SKAP1: variants seen among roughly 807,000 people sequenced by gnomAD.
SKAP1 encodes the protein src kinase-associated phosphoprotein 1.
Under a neutral mutation model 58.5 loss-of-function variants are expected in SKAP1, and 44 were observed. The observed-to-expected ratio is 0.75, with a 90% CI of 0.59 to 0.97. The LOEUF (loss-of-function observed/expected upper bound fraction) is 0.97. Among genes scored for constraint, SKAP1 ranks in the 50% least tolerant of loss-of-function variants. The pLI, the probability that SKAP1 is intolerant of heterozygous loss-of-function variation, is 0.00. For missense variants in SKAP1, 390 were observed against 435.2 expected (o/e 0.90, Z 0.92); for synonymous variants, 127 against 149.7 (o/e 0.85, Z 1.11).
chr17:48,367,020 T>C (rs980266907), intron 2 of SKAP1, among the ~76,000 whole-genome samples: 2 of 152,176 alleles, frequency 1.3e-5, no homozygotes, highest in African/African-American at 2.4e-5. Flanking sequence ...TTATTGATGA[T>C]CTCAGCCACT....
At chr17:48,393,688 T>C (rs1157178142) in intron 2 of SKAP1, among the ~76,000 whole-genome samples, 1 of 152,106 alleles carries the variant, frequency 6.6e-6, no homozygotes, top group Non-Finnish European at 1.5e-5. Context: ...CACCCTTTTG[T>C]TTCTAGAGCA....
chr17:48,383,926 A>G (rs2067247522), intron 2 of SKAP1, among the ~76,000 whole-genome samples: 1 of 151,536 alleles, frequency 6.6e-6, no homozygotes, highest in Non-Finnish European at 1.5e-5. Context: ...GGGTTTCACT[A>G]TGTTGGCCAG....
intron 4 of SKAP1, among the ~76,000 whole-genome samples, chr17:48,205,047 C>CTG: frequency 1.5e-5 from 1 of 67,974 alleles, no homozygotes; most frequent in South Asian, 5.5e-4. Context: ...TTCTCTCTCT[C>CTG]TCTTTCTTTC....
At chr17:48,395,053 AC>A (rs1163490749) in intron 2 of SKAP1, among the ~76,000 whole-genome samples, 1 of 152,190 alleles carries the variant, frequency 6.6e-6, no homozygotes, top group Non-Finnish European at 1.5e-5. Flanking sequence ...CTGAATGTCT[AC>A]CCCACAAACC....
intron 4 of SKAP1, among the ~76,000 whole-genome samples, chr17:48,340,933 T>C (rs558537026): frequency 2.0e-5 from 3 of 152,308 alleles, no homozygotes; most frequent in Admixed American, 1.3e-4. Context: ...AGTAGATGTC[T>C]ACAGAGGAAC....
At chr17:48,322,209 C>A (rs763312612) in intron 4 of SKAP1, among the ~76,000 whole-genome samples, 3 of 152,134 alleles carry the variant, frequency 2.0e-5, no homozygotes, top group African/African-American at 7.2e-5. Flanking sequence ...CATATTCTAC[C>A]TTCATTACTT....
rs1256166955 is a variant in SKAP1, at chr17:48,428,254, C to T, written c.46+1821G>A. Among the ~76,000 whole-genome samples, 5 of 152,004 alleles carry T rather than the reference C, an allele frequency of 3.3e-5. No individual in the cohort carries two copies. In the East Asian group the frequency reaches 7.7e-4, roughly 23 times the overall value. On this transcript the variant is annotated intron_variant, in intron 1 of 12. Transcript: ENST00000336915. ...CTCCTTATAATTTGGTTTCAGACTCCTCCATATATTTTAAAGACCTGAGCA... is the reference window on the plus strand; with the variant it reads ...CTCCTTATAATTTGGTTTCAGACTCTTCCATATATTTTAAAGACCTGAGCA...
At chr17:48,277,665 G>A (rs2065717328) in intron 4 of SKAP1, among the ~76,000 whole-genome samples, 1 of 152,128 alleles carries the variant, frequency 6.6e-6, no homozygotes, top group South Asian at 2.1e-4. Flanking sequence ...ATAAAAAGGT[G>A]TTTAATCAAC....
At chr17:48,257,628 C>CTTTTTTTTTTTTTTTTTTTT (rs56225931) in intron 4 of SKAP1, among the ~76,000 whole-genome samples, 148 of 111,110 alleles carry the variant, frequency 1.3e-3, no homozygotes, top group Non-Finnish European at 1.6e-3. Context: ...TTCTTTCTTT[C>CTTTTTTTTTTTTTTTTTTTT]TTTTTTTTTT....
intron 4 of SKAP1, among the ~76,000 whole-genome samples, chr17:48,296,836 T>C (rs1032576066): frequency 6.6e-6 from 1 of 151,916 alleles, no homozygotes; most frequent in African/African-American, 2.4e-5. Flanking sequence ...CATTTTATCA[T>C]CTTTAATTAG....
intron 10 of SKAP1, among the ~76,000 whole-genome samples, chr17:48,164,406 C>A (rs1467638666): frequency 6.6e-6 from 1 of 152,094 alleles, no homozygotes; most frequent in Non-Finnish European, 1.5e-5. Flanking sequence ...TCTTTTCTGG[C>A]CTAGCAGATA....
At chr17:48,298,993 G>A (rs1007076302) in intron 4 of SKAP1, among the ~76,000 whole-genome samples, 4 of 152,146 alleles carry the variant, frequency 2.6e-5, no homozygotes, top group Non-Finnish European at 4.4e-5. Context: ...TGGATTTTGT[G>A]TATGGAGAAT....
intron 2 of SKAP1, among the ~76,000 whole-genome samples, chr17:48,375,307 T>C (rs2067138191): frequency 6.8e-6 from 1 of 146,268 alleles, no homozygotes; most frequent in African/African-American, 2.5e-5. Context: ...ATTGACAGTA[T>C]AACTCATCAC....
At chr17:48,358,040 T>TA (rs1372344544) in intron 3 of SKAP1, among the ~76,000 whole-genome samples, 1 of 152,330 alleles carries the variant, frequency 6.6e-6, no homozygotes, top group South Asian at 2.1e-4. Context: ...TTTCTTTTTT[T>TA]AAAAAGTAGT....
At chr17:48,294,738 A>G (rs1390068692) in intron 4 of SKAP1, among the ~76,000 whole-genome samples, 2 of 152,194 alleles carry the variant, frequency 1.3e-5, no homozygotes, top group Non-Finnish European at 2.9e-5. Flanking sequence ...CAAGACATCA[A>G]TTATGGCTGT....
chr17:48,201,456 AC>A (rs1459905988), intron 4 of SKAP1, among the ~76,000 whole-genome samples: 1 of 151,754 alleles, frequency 6.6e-6, no homozygotes, highest in Non-Finnish European at 1.5e-5. Flanking sequence ...ATCATGGCTC[AC>A]TGCAGCCTCC....
chr17:48,276,744 G>A (rs1046655215), intron 4 of SKAP1, among the ~76,000 whole-genome samples: 1 of 152,118 alleles, frequency 6.6e-6, no homozygotes, highest in Non-Finnish European at 1.5e-5. Context: ...TAATGTTCCC[G>A]TTGCTCTTCA....
At chr17:48,367,539 TATATATATATGGATATATATCC>T (rs1373369248) in intron 2 of SKAP1, among the ~76,000 whole-genome samples, 2 of 91,282 alleles carry the variant, frequency 2.2e-5, no homozygotes, top group African/African-American at 3.8e-5. Flanking sequence ...TGTGTGTGTA[TATATATATATGGATATATATCC>T]ATATATATAT....
intron 4 of SKAP1, among the ~76,000 whole-genome samples, chr17:48,306,564 T>C (rs777543847): frequency 1.3e-5 from 2 of 152,230 alleles, no homozygotes; most frequent in Non-Finnish European, 2.9e-5. Flanking sequence ...GCAACAAAAC[T>C]GTAATTCCTT....
Sources: gnomAD v4.1 joint callset for allele counts (sites outside exome capture counted in the v4.1 genomes callset) on GRCh38, gnomAD v4.1.1 for gene constraint, MANE v1.5 for transcripts, NCBI Gene and HGNC (gene_info 2026-07-23, HGNC 2026-07-21) for gene names.